The following RGS12 variants were observed in gnomAD, a reference collection of about 807,000 sequenced individuals.
RGS12 encodes regulator of G protein signaling 12.
Under a neutral mutation model 120.1 loss-of-function variants are expected in RGS12, and 66 were observed. That is an observed-to-expected ratio of 0.55 (90% CI 0.45 to 0.67). The LOEUF is 0.67. RGS12 is among the 30% of genes least tolerant of loss of function. The pLI is 0.00. For synonymous variants in RGS12, 827 were observed against 804.7 expected, an observed-to-expected ratio of 1.03 and a Z score of -0.47; for missense variants, 1,859 against 1,957.7, an observed-to-expected ratio of 0.95 and a Z score of 0.95.
chr4:3,395,911 T>A (rs927564046), intron 4 of RGS12, among the ~76,000 whole-genome samples: 3 of 152,192 alleles, frequency 2.0e-5, no homozygotes, highest in Admixed American at 1.3e-4. Context: ...TGCAGATACT[T>A]GAGTCCCTGA....
intron 4 of RGS12, among the ~76,000 whole-genome samples, chr4:3,397,863 A>G (rs1577046581): frequency 1.3e-5 from 2 of 152,346 alleles, no homozygotes; most frequent in Admixed American, 1.3e-4. Context: ...CATAAGACAC[A>G]TGGGAAACCA....
At chr4:3,329,520 G>T (rs1310133305) in intron 2 of RGS12, among the ~76,000 whole-genome samples, 2 of 152,148 alleles carry the variant, frequency 1.3e-5, no homozygotes, top group South Asian at 4.2e-4. Flanking sequence ...CACCTGAGAG[G>T]CTGGTGGCCT....
intron 3 of RGS12, among the ~76,000 whole-genome samples, chr4:3,344,940 G>A (rs949202914): frequency 3.9e-5 from 6 of 152,346 alleles, no homozygotes; most frequent in Admixed American, 3.3e-4. Flanking sequence ...CCCAAGTGAG[G>A]GGTGGTTTGC....
Position 3,324,975 on chromosome 4 carries a change from C to T in RGS12, c.1881+6924C>T, listed in dbSNP as rs376433288. 1.2e-4 allele frequency among the ~76,000 whole-genome samples: 19 copies of T among 152,212 alleles called. No homozygotes were observed. In the East Asian group the frequency reaches 3.3e-3, roughly 26 times the overall value. ...GGCCATTTTTCTACCTGATTGTAGG[C>T]CTTTTTCTTATTGATTAGTAAGAGC... On this transcript the variant is annotated intron_variant, in intron 2 of 17. Transcript: ENST00000336727.
At chr4:3,296,840 G>A (rs1034575818) in intron 1 of RGS12, among the ~76,000 whole-genome samples, 12 of 152,216 alleles carry the variant, frequency 7.9e-5, no homozygotes, top group Non-Finnish European at 1.5e-5. Flanking sequence ...CCTTGCTCAG[G>A]ATGCAAGCCC....
At chr4:3,422,833 T>C in intron 11 of RGS12, 72 bp from the exon 12 acceptor site, 1 of 1,335,738 alleles carries the variant, frequency 7.5e-7, no homozygotes, top group Non-Finnish European at 1.1e-6. Flanking sequence ...GCTGTGTGCC[T>C]GGGGCACGTG....
chr4:3,425,486 A>G lies in RGS12; in HGVS notation c.3257A>G (p.Asp1086Gly), dbSNP rs1723511038. The change falls in exon 14 of 18, where the codon GAC becomes GGC. Residue 1086 changes from aspartate to glycine, a missense_variant. By Grantham distance (94) the Asp-to-Gly change is moderately conservative. Around this residue, in one of 3 missense-constraint regions of RGS12, gnomAD observed 517 missense variants for 488.5 expected, o/e 1.06. Coordinates refer to ENST00000336727, the MANE Select transcript of RGS12 (RefSeq NM_001394154.1). Reference protein sequence around the residue: ...VRLSGEKEPLDLGAPISSLDG... With the variant: ...VRLSGEKEPLGLGAPISSLDG... ...TAGAGTGGAGAGAAGGAGCCCCTGGACCTTGGCGCCCCTATATCGAGTCTG... is the reference window on the plus strand; with the variant it reads ...TAGAGTGGAGAGAAGGAGCCCCTGGGCCTTGGCGCCCCTATATCGAGTCTG... The G allele has an allele frequency of 6.2e-7, 1 of 1,611,806 alleles. No individual in the cohort carries two copies. The highest frequency in any genetic ancestry group is 8.5e-7 in the Non-Finnish European group (1 of 1,179,700).
intron 2 of RGS12, among the ~76,000 whole-genome samples, chr4:3,333,243 GT>G (rs1712071467): frequency 6.6e-6 from 1 of 152,122 alleles, no homozygotes; most frequent in Non-Finnish European, 1.5e-5. Context: ...TAGAGACGGG[GT>G]TTCACCGTGT....
intron 2 of RGS12, chr4:3,342,673 T>C: frequency 1.0e-6 from 1 of 1,004,630 alleles, no homozygotes; most frequent in Non-Finnish European, 1.4e-6. Flanking sequence ...GTTCTGTGTT[T>C]ACAGAGGTGG....
chr4:3,315,924 C>G (rs1238383991), intron 1 of RGS12, 146 bp from the exon 2 acceptor site: 1 of 395,942 alleles, frequency 2.5e-6, no homozygotes, highest in African/African-American at 2.1e-5. Context: ...CTTAGCCTGA[C>G]TTGAAGATTT....
rs778750288 is a variant in RGS12 at position 3,415,965 on chromosome 4, C to A, written c.2284-13C>A. 1 of 1,600,358 alleles carries A rather than the reference C, an allele frequency of 6.2e-7. No individual in the cohort carries two copies. ...GAAGCCTTGCCGGGCTGCTCAGGTG[C>A]CTTTCCTGTCAGCTTTCCTACAGGG... On this transcript the variant is annotated splice_polypyrimidine_tract_variant and intron_variant, in intron 6 of 17. Coordinates refer to ENST00000336727, the MANE Select transcript of RGS12 (RefSeq NM_001394154.1).
In RGS12 at chr4:3,389,918, C is replaced by T. The variant is rs1315047350; in HGVS notation, c.2020+3481C>T. Among the ~76,000 whole-genome samples the T allele has an allele frequency of 1.3e-5, 2 of 152,196 alleles. No homozygotes were observed. The highest frequency in any genetic ancestry group is 2.9e-5 in the Non-Finnish European group (2 of 68,042). On this transcript the variant is annotated intron_variant, in intron 4 of 17. Transcript: ENST00000336727. The surrounding 1 kb of genome is among the most constrained non-coding windows in gnomAD (Gnocchi z 5.2). ...AGTCGCAGTCCTCCATCCCCATGTC[C>T]TCCTCATGCCTTGTGCCTCAGCTCT...
intron 3 of RGS12, among the ~76,000 whole-genome samples, chr4:3,368,449 T>TGCCG (rs1716584803): frequency 9.3e-6 from 1 of 107,396 alleles, no homozygotes; most frequent in Non-Finnish European, 2.0e-5. Context: ...CCTGTGTGTG[T>TGCCG]GTGGGGTGCC....
chr4:3,432,726 AC>A (rs1326863948), intron 17 of RGS12, among the ~76,000 whole-genome samples: 1 of 152,176 alleles, frequency 6.6e-6, no homozygotes, highest in Non-Finnish European at 1.5e-5. Context: ...CCCGACTGCC[AC>A]TGGCCAGAAC....
chr4:3,335,695 G>A (rs1183914839), intron 2 of RGS12, among the ~76,000 whole-genome samples: 6 of 152,122 alleles, frequency 3.9e-5, no homozygotes, highest in African/African-American at 9.7e-5. Flanking sequence ...CCTGTAATCC[G>A]AGCATATTGG....
At chr4:3,425,371 C>A in intron 13 of RGS12, 93 bp from the exon 14 acceptor site, 1 of 1,143,546 alleles carries the variant, frequency 8.7e-7, no homozygotes, top group Non-Finnish European at 1.3e-6. Context: ...CTCCATCAAG[C>A]CTAGGACAGT....
chr4:3,357,045 A>G (rs1158423265), intron 3 of RGS12, among the ~76,000 whole-genome samples: 1 of 152,160 alleles, frequency 6.6e-6, no homozygotes, highest in African/African-American at 2.4e-5. Flanking sequence ...CCTTGACAAC[A>G]GCACTTTCTG....
chr4:3,370,585 T>G (rs1030306610), intron 3 of RGS12, among the ~76,000 whole-genome samples: 2 of 152,260 alleles, frequency 1.3e-5, no homozygotes, highest in African/African-American at 4.8e-5. Context: ...TGCCAGGTTT[T>G]AAGTCAGAAC....
intron 3 of RGS12, among the ~76,000 whole-genome samples, chr4:3,381,454 C>A (rs71608279): frequency 1.6e-4 from 24 of 152,176 alleles, no homozygotes; most frequent in Non-Finnish European, 3.2e-4. Context: ...ATACCTGGGA[C>A]TGGGTAATTT....
Sources: allele counts gnomAD v4.1 joint callset (sites outside exome capture counted in the v4.1 genomes callset), GRCh38; gene constraint gnomAD v4.1.1; regional missense constraint gnomAD v4.1.1; non-coding constraint Gnocchi (gnomAD v3.1); transcripts MANE v1.5; gene names NCBI Gene and HGNC (gene_info 2026-07-23, HGNC 2026-07-21).